The following GGA2 variants were observed in gnomAD, a reference collection of about 807,000 sequenced individuals.
GGA2 encodes the protein ADP-ribosylation factor-binding protein GGA2.
A neutral mutation model predicts 79.5 loss-of-function variants in GGA2; 48 were observed. The observed-to-expected ratio is 0.60, with a 90% CI of 0.48 to 0.77. GGA2 has a LOEUF of 0.77. Among genes scored for constraint, GGA2 ranks in the 30% least tolerant of loss-of-function variants. The pLI is 0.00. For synonymous variants in GGA2, 317 were observed against 302.0 expected (o/e 1.05, Z -0.51); for missense variants, 770 against 774.0 (o/e 0.99, Z 0.06).
At chr16:23,492,473 C>T (rs1010639313) in intron 4 of GGA2, among the ~76,000 whole-genome samples, 2 of 152,000 alleles carry the variant, frequency 1.3e-5, no homozygotes, top group African/African-American at 4.8e-5. Context: ...TGTAAAAAAA[C>T]AAAACAAAAC....
chr16:23,519,850 G>C (rs1373571116), intron 1 of GGA2, among the ~76,000 whole-genome samples: 1 of 152,194 alleles, frequency 6.6e-6, no homozygotes, highest in African/African-American at 2.4e-5. Flanking sequence ...CAGTTAGTCT[G>C]AGTGTGTTTC....
Position 23,488,601 on chromosome 16 carries a change from CTTACCTTGGACTT to C in GGA2, c.571_579+4del. The C allele has an allele frequency of 1.9e-6, 3 of 1,546,002 alleles. No individual in the cohort carries two copies. Among genetic ancestry groups the C allele is most frequent in the Non-Finnish European group, 1.8e-6 (2 of 1,118,044 alleles). On this transcript the variant is annotated splice_donor_variant and splice_donor_region_variant and coding_sequence_variant and intron_variant, in exon 6 of 17. Coordinates refer to ENST00000309859, the MANE Select transcript of GGA2 (RefSeq NM_015044.4). LOFTEE classifies it high-confidence loss of function. ...ATCAGACACCATGTAGGTCTGTTTC[CTTACCTTGGACTT>C]TTCTTCATCAGCATCAAAGATGGAG...
In GGA2 at chr16:23,467,401, C is replaced by A. The variant is rs1964452447; in HGVS notation, c.*189G>T. ...CCCTCTCCCCGAACACACACACACA[C>A]ACACACACACACACACACACACACA... On this transcript the variant is annotated 3_prime_UTR_variant, in exon 17 of 17. Transcript: ENST00000309859. 1.8e-6 allele frequency: 1 copy of A among 547,600 alleles called. No homozygotes were observed. Among genetic ancestry groups the A allele is most frequent in the Non-Finnish European group, 3.3e-6 (1 of 302,842 alleles). The allele number at this position is 547,600 out of a possible 1,614,324, so 33.9% of individuals were successfully genotyped here. A position where few individuals can be genotyped will look rare whatever the true frequency, so the allele number is the denominator to read the frequency against.
chr16:23,479,196 T>C (rs1376482500), intron 11 of GGA2, among the ~76,000 whole-genome samples: 2 of 151,856 alleles, frequency 1.3e-5, no homozygotes, highest in Non-Finnish European at 2.9e-5. Context: ...GCAGCAGGTA[T>C]GTGCTTCCTG....
In GGA2 at chr16:23,488,595, T is replaced by C; in HGVS notation, c.579+11A>G. ...GGTCTGATCAGACACCATGTAGGTC[T>C]GTTTCCTTACCTTGGACTTTTCTTC... is the stretch of plus-strand genomic sequence containing the variant. On this transcript the variant is annotated intron_variant, in intron 6 of 16. Transcript: ENST00000309859. 6.8e-7 allele frequency: 1 copy of C among 1,468,426 alleles called. No homozygotes were observed. Among genetic ancestry groups the C allele is most frequent in the Non-Finnish European group, 9.6e-7 (1 of 1,047,008 alleles). 91.0% of individuals were successfully genotyped at this position (1,468,426 alleles called of 1,614,324 possible).
chr16:23,470,807 T>TA (rs1033533702), intron 14 of GGA2, among the ~76,000 whole-genome samples: 76 of 143,932 alleles, frequency 5.3e-4, no homozygotes, highest in Non-Finnish European at 9.7e-4. Context: ...GGATTATCAT[T>TA]AAAAAATGAA....
At chr16:23,502,909 C>G (rs774102747) in intron 1 of GGA2, among the ~76,000 whole-genome samples, 4 of 152,198 alleles carry the variant, frequency 2.6e-5, no homozygotes, top group Non-Finnish European at 5.9e-5. Flanking sequence ...AACACCAGAT[C>G]CCCACCAATG....
chr16:23,504,007 G>C (rs1391344521), intron 1 of GGA2, among the ~76,000 whole-genome samples: 1 of 152,024 alleles, frequency 6.6e-6, no homozygotes, highest in East Asian at 1.9e-4. Flanking sequence ...CTTGAACCCG[G>C]GAGACGGAGG....
chr16:23,519,145 T>C (rs1965120830), intron 2 of GGA2, among the ~76,000 whole-genome samples: 1 of 149,756 alleles, frequency 6.7e-6, no homozygotes, highest in African/African-American at 2.5e-5. Flanking sequence ...TGGGCTCAGG[T>C]GATCCTCCCA....
intron 1 of GGA2, among the ~76,000 whole-genome samples, chr16:23,509,548 A>G (rs1209824131): frequency 2.0e-5 from 3 of 152,118 alleles, no homozygotes; most frequent in African/African-American, 4.8e-5. Flanking sequence ...CCTGGCACCT[A>G]GCAGAGCTGG....
intron 7 of GGA2, among the ~76,000 whole-genome samples, chr16:23,486,470 G>T (rs1040211246): frequency 1.1e-4 from 17 of 152,182 alleles, no homozygotes; most frequent in African/African-American, 4.1e-4. Flanking sequence ...CTGGTGTCTA[G>T]GAAATGCTTT....
At chr16:23,507,916 T>C (rs1264470444) in intron 1 of GGA2, among the ~76,000 whole-genome samples, 1 of 151,992 alleles carries the variant, frequency 6.6e-6, no homozygotes, top group Non-Finnish European at 1.5e-5. Context: ...GCTGAGATCA[T>C]GCCGCTGCAC....
At chr16:23,521,778 G>A (rs530073420) in intron 1 of GGA2, 5 of 455,950 alleles carry the variant, frequency 1.1e-5, no homozygotes, top group South Asian at 7.7e-5. Flanking sequence ...CACTCACTTT[G>A]TTAAAAACAC....
intron 9 of GGA2, among the ~76,000 whole-genome samples, chr16:23,481,121 A>G (rs1471501859): frequency 6.6e-6 from 1 of 152,182 alleles, no homozygotes; most frequent in African/African-American, 2.4e-5. Flanking sequence ...GCTCATGCCT[A>G]TAATCCCAGC....
At chr16:23,488,546 G>A (rs1964743698) in intron 6 of GGA2, 60 bp downstream of exon 6, 5 of 958,670 alleles carry the variant, frequency 5.2e-6, no homozygotes, top group Middle Eastern at 2.1e-4. Context: ...GCATCAAAGG[G>A]CATTTACAGT....
intron 1 of GGA2, among the ~76,000 whole-genome samples, chr16:23,497,189 C>T (rs372500251): frequency 2.0e-5 from 3 of 152,014 alleles, no homozygotes; most frequent in African/African-American, 7.2e-5. Flanking sequence ...GATGAGAAAC[C>T]GTACTGGTTC....
intron 3 of GGA2, 156 bp from the exon 4 acceptor site, chr16:23,493,614 T>A (rs1278930082): frequency 3.3e-6 from 2 of 606,824 alleles, no homozygotes; most frequent in Admixed American, 2.8e-5. Flanking sequence ...GAGGACGTTT[T>A]CAGATCAAGA....
At chr16:23,474,213 A>T (rs1022222689) in intron 14 of GGA2, among the ~76,000 whole-genome samples, 1 of 152,236 alleles carries the variant, frequency 6.6e-6, no homozygotes, top group African/African-American at 2.4e-5. Flanking sequence ...TTCAGGCCAC[A>T]TTAAACATTC....
At position 23,510,315 on chromosome 16, in the gene GGA2, A is replaced by T; in HGVS notation, c.91+6T>A. On this transcript the variant is annotated splice_donor_region_variant and intron_variant, in intron 1 of 16. Transcript: ENST00000309859. ...GGCTGCGCCGAAGGCCTGCCAGGCT[A>T]CTCACTGAGCCACAGCTCCAGCGAC... 1 of 1,424,966 alleles carries T rather than the reference A, an allele frequency of 7.0e-7. No homozygotes were observed. Among genetic ancestry groups the T allele is most frequent in the Non-Finnish European group, 9.2e-7 (1 of 1,085,216 alleles). The allele number at this position is 1,424,966 out of a possible 1,614,324, so 88.3% of individuals were successfully genotyped here.
Sources: allele counts gnomAD v4.1 joint callset (sites outside exome capture counted in the v4.1 genomes callset), GRCh38; gene constraint gnomAD v4.1.1; transcripts MANE v1.5; gene names NCBI Gene and HGNC (gene_info 2026-07-23, HGNC 2026-07-21).